PPP1R9A: variants seen among roughly 807,000 people sequenced by gnomAD.
PPP1R9A encodes protein phosphatase 1 regulatory subunit 9A, also known as neurabin-1.
In PPP1R9A, 59 loss-of-function variants were observed where a neutral mutation model predicts 141.9. The ratio of observed to expected loss-of-function variants is 0.42; its 90% CI spans 0.34 to 0.52. The LOEUF (loss-of-function observed/expected upper bound fraction) is 0.52. Ranked by LOEUF, PPP1R9A falls within the 20% of genes least tolerant of loss-of-function variation. PPP1R9A has a pLI of 0.10. For missense variants in PPP1R9A, 1,444 were observed against 1,611.9 expected (o/e 0.90, Z 1.78); for synonymous variants, 500 against 569.7 (o/e 0.88, Z 1.74).
At chr7:95,215,110 T>A (rs1475962348) in intron 7 of PPP1R9A, among the ~76,000 whole-genome samples, 2 of 137,596 alleles carry the variant, frequency 1.5e-5, no homozygotes, top group African/African-American at 2.6e-5. Context: ...TCCTAATGCT[T>A]TCCCTCCCCC....
At chr7:95,274,823 T>C (rs1287376365) in intron 16 of PPP1R9A, among the ~76,000 whole-genome samples, 1 of 152,180 alleles carries the variant, frequency 6.6e-6, no homozygotes, top group East Asian at 1.9e-4. Context: ...CTGCCTGGAT[T>C]TGAATCATGG....
At chr7:95,217,506 C>T (rs960228589) in intron 7 of PPP1R9A, among the ~76,000 whole-genome samples, 2 of 151,980 alleles carry the variant, frequency 1.3e-5, no homozygotes, top group African/African-American at 2.4e-5. Context: ...GGGAGGATTC[C>T]CTCTTTTTCT....
intron 2 of PPP1R9A, chr7:95,037,241 A>T (rs1420205297): frequency 6.6e-6 from 1 of 152,074 alleles, no homozygotes; most frequent in African/African-American, 2.4e-5. Flanking sequence ...GAAAATTTCC[A>T]TTATTAGTAA....
chr7:95,207,685 T>G (rs1344838303), intron 7 of PPP1R9A, among the ~76,000 whole-genome samples: 1 of 152,138 alleles, frequency 6.6e-6, no homozygotes, highest in Non-Finnish European at 1.5e-5. Context: ...GAAATGAAAC[T>G]GTTATTCACA....
intron 2 of PPP1R9A, among the ~76,000 whole-genome samples, chr7:94,913,192 C>T (rs1276862481): frequency 2.0e-5 from 3 of 152,062 alleles, no homozygotes; most frequent in Non-Finnish European, 4.4e-5. Flanking sequence ...GGGACACCAG[C>T]CTGTATTTGG....
intron 2 of PPP1R9A, among the ~76,000 whole-genome samples, chr7:95,025,292 C>G (rs1806661161): frequency 6.6e-6 from 1 of 152,060 alleles, no homozygotes; most frequent in Non-Finnish European, 1.5e-5. Flanking sequence ...TTCTTGAACT[C>G]CTGACCTCGT....
At chr7:95,236,509 A>G (rs1317431233) in intron 8 of PPP1R9A, among the ~76,000 whole-genome samples, 1 of 151,662 alleles carries the variant, frequency 6.6e-6, no homozygotes, top group Non-Finnish European at 1.5e-5. Context: ...AGGCTATTAT[A>G]CTTATTAACT....
chr7:95,284,266 C>T lies in PPP1R9A; in HGVS notation c.3545C>T (p.Ser1182Phe). ...TKANKRNPNP[S>F]SSSIFGRHSQ... The stretch of plus-strand genomic sequence containing the variant: ...GCAAACAAGAGAAACCCAAATCCCT[C>T]CTCTTCTTCAATCTTTGGAAGGCAT... Residue 1182 changes from serine (S) to phenylalanine (F), a missense_variant, in exon 17 of 20, where the codon TCC becomes TTC. Ser to Phe is a radical substitution (Grantham distance 155, BLOSUM62 -2). Transcript: ENST00000433360. 6.4e-7 allele frequency: 1 copy of T among 1,572,200 alleles called. No individual in the cohort carries two copies. Among genetic ancestry groups the T allele is most frequent in the Non-Finnish European group, 8.6e-7 (1 of 1,156,374 alleles).
At chr7:95,219,039 A>C (rs1044277972) in intron 7 of PPP1R9A, among the ~76,000 whole-genome samples, 3 of 152,104 alleles carry the variant, frequency 2.0e-5, no homozygotes, top group Non-Finnish European at 4.4e-5. Flanking sequence ...TTTGCTCGTT[A>C]GTTGATGCAG....
At chr7:95,213,710 G>A (rs1305932161) in intron 7 of PPP1R9A, among the ~76,000 whole-genome samples, 1 of 152,092 alleles carries the variant, frequency 6.6e-6, no homozygotes, top group East Asian at 1.9e-4. Flanking sequence ...TTTCTTAACT[G>A]TAGACTTAAT....
intron 2 of PPP1R9A, among the ~76,000 whole-genome samples, chr7:95,029,198 A>C (rs1807313486): frequency 6.6e-6 from 1 of 152,160 alleles, no homozygotes; most frequent in South Asian, 2.1e-4. Flanking sequence ...TTCTGTCACA[A>C]ATCTTTTTCA....
chr7:95,096,983 C>T (rs186975790), intron 2 of PPP1R9A, among the ~76,000 whole-genome samples: 2 of 152,282 alleles, frequency 1.3e-5, no homozygotes, highest in South Asian at 2.1e-4. Flanking sequence ...TGGCCCACAT[C>T]CCTTTATTAC....
intron 2 of PPP1R9A, chr7:95,037,028 T>C (rs1006612881): frequency 5.3e-5 from 8 of 152,188 alleles, no homozygotes; most frequent in African/African-American, 1.9e-4. Context: ...GCAAAGTCAC[T>C]GTACCCAGTG....
chr7:94,984,093 T>A (rs1800486442), intron 2 of PPP1R9A, among the ~76,000 whole-genome samples: 1 of 152,176 alleles, frequency 6.6e-6, no homozygotes, highest in Non-Finnish European at 1.5e-5. Flanking sequence ...GATAATCATG[T>A]GGTTTTTGTC....
intron 17 of PPP1R9A, among the ~76,000 whole-genome samples, chr7:95,285,143 C>T (rs1338985835): frequency 2.6e-5 from 4 of 152,108 alleles, no homozygotes; most frequent in Admixed American, 2.6e-4. Flanking sequence ...GGAGTTTGTT[C>T]GGTACTGAAT....
chr7:94,923,761 T>C (rs1240391095), intron 2 of PPP1R9A, among the ~76,000 whole-genome samples: 1 of 152,214 alleles, frequency 6.6e-6, no homozygotes, highest in Non-Finnish European at 1.5e-5. Context: ...GATAATGTTG[T>C]AGTATATAAA....
At chr7:95,100,954 G>A (rs1232151034) in intron 2 of PPP1R9A, among the ~76,000 whole-genome samples, 3 of 140,704 alleles carry the variant, frequency 2.1e-5, no homozygotes, top group African/African-American at 7.9e-5. Flanking sequence ...CCGGGTTCAC[G>A]CCATTCTCCT....
At chr7:95,256,339 T>G (rs1040628222) in intron 12 of PPP1R9A, among the ~76,000 whole-genome samples, 1 of 152,164 alleles carries the variant, frequency 6.6e-6, no homozygotes, top group African/African-American at 2.4e-5. Context: ...CCTACTCATA[T>G]AAAATCAACA....
At chr7:94,924,615 G>T (rs1021304102) in intron 2 of PPP1R9A, among the ~76,000 whole-genome samples, 5 of 152,062 alleles carry the variant, frequency 3.3e-5, no homozygotes, top group African/African-American at 1.2e-4. Context: ...TGCAACTTCC[G>T]TCTCCCGAGT....
Sources: allele counts gnomAD v4.1 joint callset (sites outside exome capture counted in the v4.1 genomes callset), GRCh38; gene constraint gnomAD v4.1.1; transcripts MANE v1.5; gene names NCBI Gene and HGNC (gene_info 2026-07-23, HGNC 2026-07-21).